ADAM32: variants seen among roughly 807,000 people sequenced by gnomAD.
The protein encoded by ADAM32 is disintegrin and metalloproteinase domain-containing protein 32.
Under a neutral mutation model 114.9 loss-of-function variants are expected in ADAM32, and 89 were observed. The observed-to-expected ratio is 0.77, with a 90% CI of 0.65 to 0.92. ADAM32 has a LOEUF of 0.92. Among genes scored for constraint, ADAM32 ranks in the 40% least tolerant of loss-of-function variants. The pLI, the probability that ADAM32 is intolerant of heterozygous loss-of-function variation, is 0.00. For missense variants in ADAM32, 870 were observed against 932.8 expected (o/e 0.93, Z 0.88); for synonymous variants, 285 against 307.5 (o/e 0.93, Z 0.77).
At chr8:39,181,093 T>G (rs1327029121) in intron 10 of ADAM32, among the ~76,000 whole-genome samples, 1 of 152,210 alleles carries the variant, frequency 6.6e-6, no homozygotes, top group African/African-American at 2.4e-5. Context: ...GATAAGAGAA[T>G]AAAAGCAGGC....
At chr8:39,275,296 C>T (rs1362588297) in intron 21 of ADAM32, among the ~76,000 whole-genome samples, 3 of 152,174 alleles carry the variant, frequency 2.0e-5, no homozygotes, top group Non-Finnish European at 4.4e-5. Flanking sequence ...ATTTACCTTT[C>T]GCATTTTCAA....
intron 11 of ADAM32, among the ~76,000 whole-genome samples, chr8:39,209,236 CCTTTT>C (rs1321104876): frequency 2.0e-5 from 3 of 152,090 alleles, no homozygotes; most frequent in African/African-American, 4.8e-5. Flanking sequence ...GTGAATTCTT[CCTTTT>C]GTTTGATCAC....
chr8:39,251,891 G>T (rs1244109622), intron 17 of ADAM32, among the ~76,000 whole-genome samples: 1 of 151,672 alleles, frequency 6.6e-6, no homozygotes, highest in Non-Finnish European at 1.5e-5. Context: ...TTTTATTTTT[G>T]TACACAGTGA....
intron 3 of ADAM32, among the ~76,000 whole-genome samples, chr8:39,145,943 C>T (rs1029819641): frequency 6.6e-6 from 1 of 152,084 alleles, no homozygotes; most frequent in Admixed American, 6.6e-5. Context: ...GTTACCCAGG[C>T]TGGTCTCGAA....
At chr8:39,132,175 G>A (rs1378642728) in intron 2 of ADAM32, 2 of 156,496 alleles carry the variant, frequency 1.3e-5, no homozygotes, top group African/African-American at 4.8e-5. Flanking sequence ...TTACAGGCAT[G>A]CGCCACTGCG....
chr8:39,123,914 C>T (rs1801944333), intron 2 of ADAM32, among the ~76,000 whole-genome samples: 1 of 151,844 alleles, frequency 6.6e-6, no homozygotes, highest in South Asian at 2.1e-4. Context: ...GCCATGTTGG[C>T]CAGGCTGGTC....
chr8:39,170,304 C>T (rs1289946864), intron 10 of ADAM32, among the ~76,000 whole-genome samples: 1 of 151,860 alleles, frequency 6.6e-6, no homozygotes, highest in Admixed American at 6.6e-5. Flanking sequence ...TAGATTTTTG[C>T]TTACAGACAT....
rs139645154 is a variant in ADAM32, at chr8:39,173,297, A to G, written c.915+3300A>G. ...CAAACAAACAAACCAAACAAAACAA[A>G]CATATTCCTATTTCTCCATAGCTTT... On this transcript the variant is annotated intron_variant, in intron 10 of 24. Coordinates refer to ENST00000379907, the MANE Select transcript of ADAM32 (RefSeq NM_145004.7). Among the ~76,000 whole-genome samples, 888 of 152,164 alleles carry G rather than the reference A, an allele frequency of 5.8e-3. 13 individuals carry two copies. The highest frequency in any genetic ancestry group is 0.021 in the African/African-American group (856 of 41,524).
chr8:39,205,704 C>A (rs1414843890), intron 11 of ADAM32, among the ~76,000 whole-genome samples: 2 of 152,256 alleles, frequency 1.3e-5, no homozygotes, highest in African/African-American at 4.8e-5. Context: ...CACCCATCTT[C>A]TGCGTTGCTC....
intron 19 of ADAM32, among the ~76,000 whole-genome samples, chr8:39,261,461 T>C (rs1271927532): frequency 6.6e-6 from 1 of 152,214 alleles, no homozygotes; most frequent in Non-Finnish European, 1.5e-5. Context: ...CCATTTGTTG[T>C]TGGAAACAGG....
chr8:39,151,675 CTTTTT>C, intron 6 of ADAM32, 127 bp downstream of exon 6: 1 of 435,466 alleles, frequency 2.3e-6, no homozygotes, highest in Non-Finnish European at 3.7e-6. Flanking sequence ...AACATCTTAT[CTTTTT>C]TTTTTTTTTT....
rs1286248568 is a variant in ADAM32 at position 39,257,288 on chromosome 8, G to T, written c.2107G>T (p.Ala703Ser). 6.2e-7 allele frequency: 1 copy of T among 1,612,962 alleles called. No individual in the cohort carries two copies. Among genetic ancestry groups the T allele is most frequent in the African/African-American group, 1.3e-5 (1 of 74,806 alleles). Residue 703 changes from alanine to serine, a missense_variant, in exon 19 of 25, where the codon GCA becomes TCA. Coordinates refer to ENST00000379907, the MANE Select transcript of ADAM32 (RefSeq NM_145004.7). ...ILIVTTAIVL[A>S]RKQLKKWFAK... ...CATTGTAACAACCGCAATAGTTTTGGCAAGGAAACAGTTGAAAAAGTGGTT... is the reference window on the plus strand; with the variant it reads ...CATTGTAACAACCGCAATAGTTTTGTCAAGGAAACAGTTGAAAAAGTGGTT...
intron 1 of ADAM32, among the ~76,000 whole-genome samples, chr8:39,109,674 C>G (rs1160915579): frequency 2.0e-5 from 3 of 152,230 alleles, no homozygotes; most frequent in African/African-American, 7.2e-5. Flanking sequence ...GCTTCTCCCA[C>G]TATCAACATC....
chr8:39,252,460 A>G (rs1177973387), intron 17 of ADAM32, among the ~76,000 whole-genome samples: 1 of 151,562 alleles, frequency 6.6e-6, no homozygotes, highest in Non-Finnish European at 1.5e-5. Flanking sequence ...GGAAATTTAT[A>G]GTGATAAATT....
chr8:39,129,955 C>CTTTTT, intron 2 of ADAM32: 2 of 243,882 alleles, frequency 8.2e-6, no homozygotes, highest in African/African-American at 2.8e-5. Flanking sequence ...ATCACATTTC[C>CTTTTT]TTTTTTTTTT....
At chr8:39,239,327 A>G (rs1393136783) in intron 16 of ADAM32, among the ~76,000 whole-genome samples, 1 of 152,226 alleles carries the variant, frequency 6.6e-6, no homozygotes. Flanking sequence ...ACTAAGCTTC[A>G]TAAATGAGGG....
intron 12 of ADAM32, among the ~76,000 whole-genome samples, chr8:39,211,710 G>A (rs1259635340): frequency 6.6e-6 from 1 of 152,122 alleles, no homozygotes; most frequent in Non-Finnish European, 1.5e-5. Flanking sequence ...CAGTAGTACA[G>A]GAATCTGTAT....
chr8:39,228,731 G>T (rs922053064), intron 14 of ADAM32, among the ~76,000 whole-genome samples: 1 of 152,164 alleles, frequency 6.6e-6, no homozygotes, highest in African/African-American at 2.4e-5. Context: ...AGTAAGAAGA[G>T]AATTCTAAAA....
intron 16 of ADAM32, among the ~76,000 whole-genome samples, chr8:39,235,002 C>T (rs953581670): frequency 3.3e-5 from 5 of 152,212 alleles, no homozygotes; most frequent in East Asian, 1.9e-4. Flanking sequence ...TCCTTCCCCC[C>T]GCCCCTCTCT....
Sources: allele counts gnomAD v4.1 joint callset (sites outside exome capture counted in the v4.1 genomes callset), GRCh38; gene constraint gnomAD v4.1.1; transcripts MANE v1.5; gene names NCBI Gene and HGNC (gene_info 2026-07-23, HGNC 2026-07-21).